PRELID2: variants seen among roughly 807,000 people sequenced by gnomAD.
The protein encoded by PRELID2 is PRELI domain containing 2, also known as PRELI domain-containing protein 2.
In PRELID2, 25 loss-of-function variants were observed where a neutral mutation model predicts 28.4. That is an observed-to-expected ratio of 0.88 (90% confidence interval 0.64 to 1.23). The LOEUF is 1.23. Ranked by LOEUF, PRELID2 falls within the 50% of genes most tolerant of loss-of-function variation. PRELID2 has a pLI of 0.00. For synonymous variants in PRELID2, 76 were observed against 71.6 expected, an observed-to-expected ratio of 1.06 and a Z score of -0.31; for missense variants, 201 against 214.4, an observed-to-expected ratio of 0.94 and a Z score of 0.39.
chr5:145,399,598 T>A, the PRELID2 span, among the ~76,000 whole-genome samples: 2 of 152,108 alleles, frequency 1.3e-5, no homozygotes, highest in Non-Finnish European at 2.9e-5. Flanking sequence ...GAATTCTATT[T>A]CTAATTTGTA....
rs566020936 is a variant in PRELID2, at chr5:145,555,975, C to T, written n.71-82660G>A. Among the ~76,000 whole-genome samples the T allele has an allele frequency of 5.3e-5, 8 of 151,924 alleles. No individual in the cohort carries two copies. The East Asian group carries it at 7.7e-4, about 15-fold the overall frequency. ...AGCCGATTGCCTGAGCTCAGGAGTT[C>T]GAGACTAGCCTGGGCAACACAGTGA... On this transcript the variant is annotated intron_variant and non_coding_transcript_variant, in intron 1 of 2. Coordinates refer to the PRELID2 transcript ENST00000510259.
chr5:145,653,129 C>T (rs1185169069), intron 1 of PRELID2, among the ~76,000 whole-genome samples: 1 of 152,106 alleles, frequency 6.6e-6, no homozygotes, highest in Non-Finnish European at 1.5e-5. Context: ...GACTTTAAAC[C>T]AACAAAGATC....
chr5:145,391,213 C>T, the PRELID2 span, among the ~76,000 whole-genome samples: 1 of 152,244 alleles, frequency 6.6e-6, no homozygotes, highest in Non-Finnish European at 1.5e-5. Context: ...GGCTCCACCC[C>T]TGTAGCAGAC....
At chr5:145,406,982 A>G in the PRELID2 span, among the ~76,000 whole-genome samples, 4 of 152,174 alleles carry the variant, frequency 2.6e-5, no homozygotes, top group African/African-American at 9.6e-5. Flanking sequence ...GGGTTCCTTG[A>G]GGAAGGCAGC....
intron 1 of PRELID2, among the ~76,000 whole-genome samples, chr5:145,547,468 C>A (rs935638889): frequency 1.1e-4 from 17 of 152,100 alleles, no homozygotes; most frequent in Middle Eastern, 3.4e-3. Context: ...AAACTTACAC[C>A]AACTGTGCAA....
chr5:145,702,909 G>A (rs1755443107), intron 1 of PRELID2, among the ~76,000 whole-genome samples: 1 of 152,166 alleles, frequency 6.6e-6, no homozygotes, highest in African/African-American at 2.4e-5. Context: ...TAGATCTTAA[G>A]GAGGAAAGAA....
the PRELID2 span, among the ~76,000 whole-genome samples, chr5:145,418,874 C>A: frequency 1.6e-4 from 23 of 143,858 alleles, no homozygotes; most frequent in African/African-American, 5.2e-4. Flanking sequence ...TGCTATCCCT[C>A]CCCCCTACCC....
At chr5:145,670,667 T>C (rs1363334060) in intron 1 of PRELID2, among the ~76,000 whole-genome samples, 5 of 152,104 alleles carry the variant, frequency 3.3e-5, no homozygotes, top group Non-Finnish European at 7.4e-5. Flanking sequence ...CCCTCTCCAC[T>C]TCCACCTAAG....
At chr5:145,304,226 A>G in the PRELID2 span, among the ~76,000 whole-genome samples, 1 of 152,310 alleles carries the variant, frequency 6.6e-6, no homozygotes, top group East Asian at 1.9e-4. Flanking sequence ...TATTTTCAAA[A>G]TCTTATAAAT....
chr5:145,362,254 A>G, the PRELID2 span, among the ~76,000 whole-genome samples: 9 of 152,180 alleles, frequency 5.9e-5, no homozygotes, highest in Admixed American at 3.3e-4. Context: ...AAAGAAAAAT[A>G]CAGGCTGGAG....
chr5:145,244,582 C>T, the PRELID2 span, among the ~76,000 whole-genome samples: 2 of 152,092 alleles, frequency 1.3e-5, no homozygotes, highest in Non-Finnish European at 2.9e-5. Flanking sequence ...TCACGGCACA[C>T]AGACCCAGGG....
intron 1 of PRELID2, among the ~76,000 whole-genome samples, chr5:145,504,227 C>G (rs1752386659): frequency 6.6e-6 from 1 of 152,162 alleles, no homozygotes. Context: ...GCTGGATCAA[C>G]TTAACCTCAC....
intron 1 of PRELID2, among the ~76,000 whole-genome samples, chr5:145,483,040 C>A (rs79606752): frequency 0.01 from 1,562 of 152,146 alleles, 27 homozygotes; most frequent in African/African-American, 0.036. Context: ...ACCTGTCGAA[C>A]AGTTTTCACA....
chr5:145,698,877 C>T (rs1755342546), intron 1 of PRELID2, among the ~76,000 whole-genome samples: 1 of 152,188 alleles, frequency 6.6e-6, no homozygotes. Flanking sequence ...CAGGCATGCG[C>T]CACCATGCCC....
intron 1 of PRELID2, among the ~76,000 whole-genome samples, chr5:145,693,253 T>C (rs1755187230): frequency 6.6e-6 from 1 of 151,632 alleles, no homozygotes. Flanking sequence ...GCTTAAGTGA[T>C]CCTTCCATCT....
At chr5:145,325,964 C>T in the PRELID2 span, among the ~76,000 whole-genome samples, 3 of 152,130 alleles carry the variant, frequency 2.0e-5, no homozygotes, top group Non-Finnish European at 4.4e-5. Flanking sequence ...TCCAAAAATA[C>T]GTGAAAATAT....
At chr5:145,554,169 T>A (rs768323400) in intron 1 of PRELID2, among the ~76,000 whole-genome samples, 2 of 152,050 alleles carry the variant, frequency 1.3e-5, no homozygotes, top group African/African-American at 2.4e-5. Context: ...CAACTACAAA[T>A]ACATTACAGC....
At chr5:145,821,152 G>GGTGGGTGTGTGTGT (rs1554100260) in intron 2 of PRELID2, among the ~76,000 whole-genome samples, 3 of 88,192 alleles carry the variant, frequency 3.4e-5, no homozygotes, top group African/African-American at 8.0e-5. Flanking sequence ...AACTCTCCTG[G>GGTGGGTGTGTGTGT]GTGTGTGTGT....
At chr5:145,527,736 T>C (rs900461271) in intron 1 of PRELID2, among the ~76,000 whole-genome samples, 3 of 152,210 alleles carry the variant, frequency 2.0e-5, no homozygotes, top group Non-Finnish European at 4.4e-5. Context: ...GCAAGTTGTT[T>C]AACTTCGCTA....
Sources: gnomAD v4.1 joint callset for allele counts (sites outside exome capture counted in the v4.1 genomes callset) on GRCh38, gnomAD v4.1.1 for gene constraint, MANE v1.5 for transcripts, NCBI Gene and HGNC (gene_info 2026-07-23, HGNC 2026-07-21) for gene names.